Variants in GABRB3 observed in about 807,000 individuals in gnomAD.
GABRB3 encodes the protein gamma-aminobutyric acid type A receptor subunit beta3.
Under a neutral mutation model 52.1 loss-of-function variants are expected in GABRB3, and 14 were observed. The observed-to-expected ratio is 0.27, with a 90% CI of 0.18 to 0.42. The LOEUF (loss-of-function observed/expected upper bound fraction) is 0.42. GABRB3 is among the 10% of genes least tolerant of loss of function. GABRB3 has a pLI of 1.00. For synonymous variants in GABRB3, 260 were observed against 232.3 expected, an observed-to-expected ratio of 1.12 and a Z score of -1.08; for missense variants, 307 against 609.1, an observed-to-expected ratio of 0.50 and a Z score of 5.22.
At chr15:26,709,409 A>G (rs1456785092) in intron 3 of GABRB3, among the ~76,000 whole-genome samples, 1 of 151,522 alleles carries the variant, frequency 6.6e-6, no homozygotes, top group Non-Finnish European at 1.5e-5. Flanking sequence ...TACTTCTGCC[A>G]TGATTGGAAG....
At chr15:26,569,854 CT>C (rs1567115790) in intron 6 of GABRB3, among the ~76,000 whole-genome samples, 1 of 152,184 alleles carries the variant, frequency 6.6e-6, no homozygotes, top group Non-Finnish European at 1.5e-5. Flanking sequence ...CTTTCAATTA[CT>C]TTTTTAAAAA....
chr15:26,719,928 C>T (rs1889597991), intron 3 of GABRB3, among the ~76,000 whole-genome samples: 2 of 152,166 alleles, frequency 1.3e-5, no homozygotes, highest in Non-Finnish European at 2.9e-5. Flanking sequence ...CCCCTGTGAC[C>T]TGCACATATA....
chr15:26,643,551 C>T (rs1209562766), intron 3 of GABRB3, among the ~76,000 whole-genome samples: 1 of 150,578 alleles, frequency 6.6e-6, no homozygotes, highest in African/African-American at 2.5e-5. Flanking sequence ...GAGGTCAACG[C>T]TCCTATCATC....
At chr15:26,749,734 G>C (rs538614097) in intron 3 of GABRB3, among the ~76,000 whole-genome samples, 80 of 152,002 alleles carry the variant, frequency 5.3e-4, no homozygotes, top group Middle Eastern at 6.8e-3. Context: ...TCTTTTTCCT[G>C]GTCCTTTCGC....
At chr15:26,600,225 A>G (rs1407100062) in intron 4 of GABRB3, among the ~76,000 whole-genome samples, 1 of 152,096 alleles carries the variant, frequency 6.6e-6, no homozygotes, top group African/African-American at 2.4e-5. Context: ...AAAAGAATGA[A>G]GAAAGCTTCT....
intron 8 of GABRB3, 116 bp from the exon 9 acceptor site, chr15:26,548,250 C>T: frequency 4.7e-6 from 4 of 850,264 alleles, no homozygotes; most frequent in South Asian, 4.0e-5. Flanking sequence ...AGAAACTGTA[C>T]ATCTGTCAAA....
chr15:26,687,959 C>T (rs780215061), intron 3 of GABRB3, among the ~76,000 whole-genome samples: 8 of 152,146 alleles, frequency 5.3e-5, no homozygotes, highest in South Asian at 2.1e-4. Context: ...TTCCAGAGCA[C>T]GCTTTTTGAG....
At chr15:26,636,938 T>A (rs1595501275) in intron 3 of GABRB3, among the ~76,000 whole-genome samples, 1 of 152,180 alleles carries the variant, frequency 6.6e-6, no homozygotes, top group East Asian at 1.9e-4. Context: ...CCATTCCTAG[T>A]CTAGGGGTGT....
At chr15:26,724,776 C>G (rs1298760752) in intron 3 of GABRB3, among the ~76,000 whole-genome samples, 2 of 152,156 alleles carry the variant, frequency 1.3e-5, no homozygotes, top group African/African-American at 4.8e-5. Context: ...ACTCCTCCTA[C>G]AGTGTATTAA....
intron 3 of GABRB3, among the ~76,000 whole-genome samples, chr15:26,652,331 G>C (rs998319539): frequency 7.2e-5 from 11 of 152,234 alleles, no homozygotes; most frequent in African/African-American, 2.6e-4. Flanking sequence ...AAACCAAACT[G>C]TAACTTAACG....
intron 4 of GABRB3, among the ~76,000 whole-genome samples, chr15:26,592,083 G>GACTTT: frequency 6.6e-6 from 1 of 152,286 alleles, no homozygotes; most frequent in Non-Finnish European, 1.5e-5. Flanking sequence ...TCAAATGCAT[G>GACTTT]GAACCCAGAG....
chr15:26,734,186 C>T (rs952375047), intron 3 of GABRB3, among the ~76,000 whole-genome samples: 3 of 151,896 alleles, frequency 2.0e-5, no homozygotes, highest in Non-Finnish European at 2.9e-5. Context: ...TGCACCATCA[C>T]ACCCAGCTAA....
At chr15:26,773,628 G>A (rs760181935), upstream of GABRB3, 51 of 1,549,886 alleles carry the variant, frequency 3.3e-5, no homozygotes, top group East Asian at 5.1e-4. Context: ...CAGAACGCCG[G>A]GAAGCCCCCG....
chr15:26,583,496 G>T, intron 4 of GABRB3, 82 bp from the exon 5 acceptor site: 1 of 1,146,884 alleles, frequency 8.7e-7, no homozygotes, highest in Non-Finnish European at 1.3e-6. Flanking sequence ...AAACGAGTAA[G>T]CCCCTGTGGG....
chr15:26,637,606 G>A (rs1566786392), intron 3 of GABRB3, among the ~76,000 whole-genome samples: 1 of 152,130 alleles, frequency 6.6e-6, no homozygotes, highest in African/African-American at 2.4e-5. Flanking sequence ...AGATCTGTAT[G>A]TTTTTTCAGA....
intron 3 of GABRB3, among the ~76,000 whole-genome samples, chr15:26,636,246 C>T (rs1401093971): frequency 6.6e-6 from 1 of 152,184 alleles, no homozygotes; most frequent in Non-Finnish European, 1.5e-5. Context: ...GCACTAGGCC[C>T]CTCAAATTAG....
At chr15:26,601,442 C>A (rs901254668) in intron 4 of GABRB3, among the ~76,000 whole-genome samples, 3 of 151,692 alleles carry the variant, frequency 2.0e-5, no homozygotes, top group African/African-American at 7.3e-5. Flanking sequence ...GGATTCAAGG[C>A]ATACTACTAC....
At chr15:26,626,913 G>A (rs1892719492) in intron 3 of GABRB3, among the ~76,000 whole-genome samples, 1 of 152,348 alleles carries the variant, frequency 6.6e-6, no homozygotes, top group East Asian at 1.9e-4. Flanking sequence ...AGTAGACTTT[G>A]GAAGAAGTCT....
intron 4 of GABRB3, among the ~76,000 whole-genome samples, chr15:26,596,107 C>T (rs1426208): frequency 0.27 from 41,268 of 151,818 alleles, 7,420 homozygotes; most frequent in East Asian, 0.83. Context: ...GGGTTGATCA[C>T]GGCAGGAGAG....
Sources: gnomAD v4.1 joint callset for allele counts (sites outside exome capture counted in the v4.1 genomes callset) on GRCh38, gnomAD v4.1.1 for gene constraint, MANE v1.5 for transcripts, NCBI Gene and HGNC (gene_info 2026-07-23, HGNC 2026-07-21) for gene names.